The following RYR1 variants were observed in gnomAD, a reference collection of about 807,000 sequenced individuals.
RYR1 encodes the protein ryanodine receptor 1, also known as central core disease of muscle.
Under a neutral mutation model 583.5 loss-of-function variants are expected in RYR1, and 342 were observed. The observed-to-expected ratio is 0.59, with a 90% CI of 0.54 to 0.64. The LOEUF is 0.64. Among genes scored for constraint, RYR1 ranks in the 30% least tolerant of loss-of-function variants. RYR1 has a pLI of 0.00. For synonymous variants in RYR1, 2,791 were observed against 2,822.5 expected (o/e 0.99, Z 0.35); for missense variants, 6,032 against 6,917.2 (o/e 0.87, Z 4.54).
At chr19:38,535,266 A>T in intron 80 of RYR1, 46 bp downstream of exon 80, 1 of 1,613,302 alleles carries the variant, frequency 6.2e-7, no homozygotes, top group African/African-American at 1.3e-5. Context: ...GAGGGATGAG[A>T]GGTTCCTGTG....
In RYR1 at chr19:38,433,708, G is replaced by T; in HGVS notation, c.-122G>T. The T allele has an allele frequency of 1.3e-6, 1 of 768,044 alleles. No homozygotes were observed. The highest frequency in any genetic ancestry group is 2.6e-5 in the East Asian group (1 of 38,186). 47.6% of individuals were successfully genotyped at this position (768,044 alleles called of 1,614,324 possible). Reference sequence around the variant, plus strand: ...TACTCCTCGCAGTTCCATCTACCTCGCGGGTGCCTCTGGTGTCTCCAGAGG... The same window carrying T: ...TACTCCTCGCAGTTCCATCTACCTCTCGGGTGCCTCTGGTGTCTCCAGAGG... On this transcript the variant is annotated 5_prime_UTR_variant, in exon 1 of 106. Transcript: ENST00000359596.
chr19:38,451,010 T>G (rs1356836205), intron 11 of RYR1, among the ~76,000 whole-genome samples: 1 of 152,230 alleles, frequency 6.6e-6, no homozygotes, highest in Non-Finnish European at 1.5e-5. Flanking sequence ...TTCTACCTCT[T>G]GTATCAGTGC....
rs768296202 is a variant in RYR1, at chr19:38,496,353, G to T, written c.6663+24G>T. The T allele has an allele frequency of 9.9e-6, 16 of 1,613,670 alleles. No individual in the cohort carries two copies. The highest frequency in any genetic ancestry group is 8.5e-7 in the Non-Finnish European group (1 of 1,180,032). Reference sequence around the variant, plus strand: ...AGGTGAGGGCCCAGGCAGGTGCTGGGGAGCTCAGGGGAGGCAGCCACAGAG... The same window carrying T: ...AGGTGAGGGCCCAGGCAGGTGCTGGTGAGCTCAGGGGAGGCAGCCACAGAG... On this transcript the variant is annotated intron_variant, in intron 40 of 105. Coordinates refer to ENST00000359596, the MANE Select transcript of RYR1 (RefSeq NM_000540.3). The surrounding 1 kb of genome is among the most constrained non-coding windows in gnomAD (Gnocchi z 4.8).
At chr19:38,443,316 G>A (rs1240705900) in intron 3 of RYR1, among the ~76,000 whole-genome samples, 1 of 152,180 alleles carries the variant, frequency 6.6e-6, no homozygotes, top group Non-Finnish European at 1.5e-5. Context: ...AGGACAGAGT[G>A]GGCTTTGGGG....
At chr19:38,536,833 C>A (rs1054024832) in intron 83 of RYR1, 66 bp downstream of exon 83, 1 of 1,542,320 alleles carries the variant, frequency 6.5e-7, no homozygotes, top group Admixed American at 1.7e-5. Context: ...CCGTCCACCC[C>A]TCCACCTAGG....
rs375434330 is a variant in RYR1 at position 38,517,343 on chromosome 19, C to T, written c.9686-16C>T. The T allele has an allele frequency of 8.3e-5, 134 of 1,611,094 alleles. 1 individual carries two copies. The highest frequency in any genetic ancestry group is 1.7e-4 in the Middle Eastern group (1 of 5,758). ...GTGATGGCTTGACATTCCCTGCCCCCGTCCCTGTACCCCAGTCCTGGGGCT... is the reference window on the plus strand; with the variant it reads ...GTGATGGCTTGACATTCCCTGCCCCTGTCCCTGTACCCCAGTCCTGGGGCT... On this transcript the variant is annotated splice_polypyrimidine_tract_variant and intron_variant, in intron 65 of 105. Transcript: ENST00000359596.
rs376330174 is a variant in RYR1 at position 38,475,397 on chromosome 19, G to A, written c.4240G>A (p.Val1414Met). 3 of 1,613,938 alleles carry A rather than the reference G, an allele frequency of 1.9e-6. No individual in the cohort carries two copies. The highest frequency in any genetic ancestry group is 2.5e-6 in the Non-Finnish European group (3 of 1,179,988). Residue 1414 changes from valine (V) to methionine (M), a missense_variant, in exon 29 of 106, where the codon GTG becomes ATG. Val to Met is a conservative substitution (Grantham distance 21). Coordinates refer to ENST00000359596, the MANE Select transcript of RYR1 (RefSeq NM_000540.3). ...CACGCTGCCCCGACTCCCTCACGAC[G>A]TGGTGCCTGCAGACAACCGCGATGA... is the stretch of plus-strand genomic sequence containing the variant. ...TPTLPRLPHD[V>M]VPADNRDDPE...
chr19:38,441,394 G>A (rs973799565), intron 2 of RYR1, among the ~76,000 whole-genome samples: 15 of 148,090 alleles, frequency 1.0e-4, no homozygotes, highest in Admixed American at 2.8e-4. Flanking sequence ...GGGGAAGGAG[G>A]CCCTCGGCGG....
intron 94 of RYR1, among the ~76,000 whole-genome samples, chr19:38,571,101 G>A (rs547518233): frequency 1.3e-5 from 2 of 152,228 alleles, no homozygotes; most frequent in Non-Finnish European, 2.9e-5. Context: ...CAGAATGGAA[G>A]GAATGGGTTA....
rs753576479 is a variant in RYR1 at position 38,566,918 on chromosome 19, G to C, written c.13445G>C (p.Gly4482Ala). ...TGCTTGCCCTGTCCCTAGGTGGATG[G>C]AGTGGAGGAGGAGCTCCCGCCAGAG... ...PILKRKLGVD[G>A]VEEELPPEPE... Residue 4482 changes from glycine (G) to alanine (A), a missense_variant, in exon 92 of 106, where the codon GGA (glycine) becomes GCA (alanine). Around this residue, in one of 11 missense-constraint regions of RYR1, gnomAD observed 753 missense variants for 759.6 expected, o/e 0.99. Transcript: ENST00000359596. 1 of 1,605,222 alleles carries C rather than the reference G, an allele frequency of 6.2e-7. No individual in the cohort carries two copies. The highest frequency in any genetic ancestry group is 1.7e-5 in the Admixed American group (1 of 58,592).
intron 28 of RYR1, 48 bp from the exon 29 acceptor site, chr19:38,475,270 G>T: frequency 2.6e-6 from 4 of 1,550,660 alleles, no homozygotes; most frequent in Non-Finnish European, 3.5e-6. Context: ...CGGTGGGAGG[G>T]CTGGGCTTGA....
In RYR1 at chr19:38,565,137, C is replaced by G. The variant is rs774887304; in HGVS notation, c.12803C>G (p.Ala4268Gly). 7.9e-6 allele frequency: 12 copies of G among 1,524,730 alleles called. No individual in the cohort carries two copies. Among genetic ancestry groups the G allele is most frequent in the Non-Finnish European group, 8.8e-6 (10 of 1,139,890 alleles). The allele number at this position is 1,524,730 out of a possible 1,614,324, so 94.5% of individuals were successfully genotyped here. A position where few individuals can be genotyped will look rare whatever the true frequency, so the allele number is the denominator to read the frequency against. The change falls in exon 91 of 106, where the codon GCG becomes GGG. Residue 4268 changes from alanine to glycine, a missense_variant. Transcript: ENST00000359596. This position sits in a 1 kb window ranked among gnomAD's most constrained non-coding sequence, Gnocchi z 4.7. ...ETDEDEGAGA[A>G]EAGAEGAEEG... Reference sequence around the variant, plus strand: ...GACGAGGACGAGGGCGCGGGCGCGGCGGAGGCGGGCGCGGAAGGCGCGGAG... The same window carrying G: ...GACGAGGACGAGGGCGCGGGCGCGGGGGAGGCGGGCGCGGAAGGCGCGGAG...
intron 66 of RYR1, among the ~76,000 whole-genome samples, chr19:38,518,797 C>T (rs890463360): frequency 3.9e-5 from 6 of 152,064 alleles, no homozygotes. Flanking sequence ...GGTGTGGTGG[C>T]AGACGCCTGT....
In RYR1 at chr19:38,494,499, C is replaced by T. The variant is rs201293931; in HGVS notation, c.6422C>T (p.Ala2141Val). The change falls in exon 39 of 106, where the codon GCG (alanine) becomes GTG (valine). Residue 2141 changes from alanine to valine, a missense_variant. By Grantham distance (64) the Ala-to-Val change is moderately conservative. This residue lies in a region of RYR1 where 2,627 missense variants were observed against 2,961.3 expected (regional missense o/e 0.89). Transcript: ENST00000359596. ...LGELLRALPR[A>V]YTISPSSVED... Reference sequence around the variant, plus strand: ...GAGCTGCTGCGTGCCCTGCCGCGGGCGTACACCATCTCACCGTCCTCCGTG... The same window carrying T: ...GAGCTGCTGCGTGCCCTGCCGCGGGTGTACACCATCTCACCGTCCTCCGTG... 14 of 1,613,480 alleles carry T rather than the reference C, an allele frequency of 8.7e-6. No individual in the cohort carries two copies. Among genetic ancestry groups the T allele is most frequent in the Admixed American group, 6.7e-5 (4 of 60,028 alleles).
chr19:38,580,323 G>A, intron 100 of RYR1, 47 bp from the exon 101 acceptor site: 1 of 1,432,492 alleles, frequency 7.0e-7, no homozygotes, highest in Non-Finnish European at 9.8e-7. Flanking sequence ...AGGGTGGGGG[G>A]AGGGCAAGCC....
chr19:38,502,027 C>A (rs116473242), intron 47 of RYR1, among the ~76,000 whole-genome samples: 1 of 150,972 alleles, frequency 6.6e-6, no homozygotes, highest in Non-Finnish European at 1.5e-5. Flanking sequence ...CATGGAGGTG[C>A]GTCCCTGTAG....
intron 37 of RYR1, among the ~76,000 whole-genome samples, chr19:38,491,221 G>A (rs1439728221): frequency 3.3e-5 from 5 of 152,134 alleles, no homozygotes; most frequent in Admixed American, 2.0e-4. Context: ...TTAGTATGAC[G>A]TGTCTAGGTG....
intron 20 of RYR1, 61 bp downstream of exon 20, chr19:38,460,652 G>A (rs1967687045): frequency 1.4e-6 from 2 of 1,477,580 alleles, no homozygotes; most frequent in African/African-American, 1.4e-5. Flanking sequence ...TCAGAGAGGG[G>A]GCAGGGTGCC....
chr19:38,500,623 G>C lies in RYR1; in HGVS notation c.7341G>C (p.Lys2447Asn), dbSNP rs1970065444. The C allele has an allele frequency of 1.2e-6, 2 of 1,613,096 alleles. No individual in the cohort carries two copies. Among genetic ancestry groups the C allele is most frequent in the South Asian group, 1.1e-5 (1 of 91,038 alleles). The change falls in exon 46 of 106, where the codon AAG becomes AAC. Residue 2447 changes from lysine to asparagine, a missense_variant. Physicochemically the swap from Lys to Asn is moderately conservative, Grantham distance 94 (BLOSUM62 0). Around this residue, in one of 11 missense-constraint regions of RYR1, gnomAD observed 2,627 missense variants for 2,961.3 expected, o/e 0.89. Coordinates refer to ENST00000359596, the MANE Select transcript of RYR1 (RefSeq NM_000540.3). This position sits in a 1 kb window ranked among gnomAD's most constrained non-coding sequence, Gnocchi z 5.9. The stretch of plus-strand genomic sequence containing the variant: ...CTCCCCAGCTAATCCAAGCCGGCAA[G>C]GGTGAGGCCCTGCGGATCCGCGCCA... ...APEMHLIQAGKGEALRIRAIL... is the reference protein window; with the variant it reads ...APEMHLIQAGNGEALRIRAIL...
Sources: allele counts gnomAD v4.1 joint callset (sites outside exome capture counted in the v4.1 genomes callset), GRCh38; gene constraint gnomAD v4.1.1; regional missense constraint gnomAD v4.1.1; non-coding constraint Gnocchi (gnomAD v3.1); transcripts MANE v1.5; gene names NCBI Gene and HGNC (gene_info 2026-07-23, HGNC 2026-07-21).